COL4A3: variants seen among roughly 807,000 people sequenced by gnomAD.
The protein encoded by COL4A3 is collagen type IV alpha 3 chain.
In COL4A3, 135 loss-of-function variants were observed where a neutral mutation model predicts 217.4. The observed-to-expected ratio is 0.62, with a 90% CI of 0.54 to 0.72. The LOEUF is 0.72. COL4A3 is among the 30% of genes least tolerant of loss of function. COL4A3 has a pLI of 0.00. For missense variants in COL4A3, 1,868 were observed against 2,119.9 expected, an observed-to-expected ratio of 0.88 and a Z score of 2.33; for synonymous variants, 690 against 736.3, an observed-to-expected ratio of 0.94 and a Z score of 1.02.
In COL4A3 at chr2:227,290,207, G is replaced by A. The variant is rs190741992; in HGVS notation, c.3070+119G>A. ...GTAGAAAGCTTATATTAAAAAACTA[G>A]ATTTGCGGGGCCGGGCACGGTGGCT... On this transcript the variant is annotated intron_variant, in intron 36 of 51. Transcript: ENST00000396578. 4 of 973,104 alleles carry A rather than the reference G, an allele frequency of 4.1e-6. No individual in the cohort carries two copies. The Admixed American group carries it at 7.9e-5, about 19-fold the overall frequency. The allele number at this position is 973,104 out of a possible 1,614,324, so 60.3% of individuals were successfully genotyped here. A position where few individuals can be genotyped will look rare whatever the true frequency, so the allele number is the denominator to read the frequency against.
rs548806496 is a variant in COL4A3 at position 227,291,585 on chromosome 2, A to C, written c.3210+699A>C. Among the ~76,000 whole-genome samples the C allele has an allele frequency of 2.7e-3, 83 of 30,538 alleles. No individual in the cohort carries two copies. In the East Asian group the frequency reaches 0.048, roughly 17 times the overall value. 20.0% of individuals were successfully genotyped at this position (30,538 alleles called of 152,430 possible). Reference sequence around the variant, plus strand: ...CTCAAAAAAAAAAAAAAAAACAAAAAAAAAAAACAAAAAAAAAAACACTTG... The same window carrying C: ...CTCAAAAAAAAAAAAAAAAACAAAACAAAAAAACAAAAAAAAAAACACTTG... On this transcript the variant is annotated intron_variant, in intron 37 of 51. Coordinates refer to ENST00000396578, the MANE Select transcript of COL4A3 (RefSeq NM_000091.5).
chr2:227,245,036 T>C (rs758262205), intron 5 of COL4A3, 41 bp downstream of exon 5: 4 of 1,566,526 alleles, frequency 2.6e-6, no homozygotes, highest in African/African-American at 2.7e-5. Context: ...AATTTAAAAG[T>C]AAGCTCATTT....
intron 25 of COL4A3, among the ~76,000 whole-genome samples, chr2:227,272,449 T>C (rs2071298802): frequency 6.6e-6 from 1 of 152,268 alleles, no homozygotes; most frequent in African/African-American, 2.4e-5. Context: ...ATTCAATTTC[T>C]TTTAAATCTA....
At chr2:227,175,847 G>A (rs2065657192) in intron 1 of COL4A3, among the ~76,000 whole-genome samples, 2 of 152,216 alleles carry the variant, frequency 1.3e-5, no homozygotes, top group African/African-American at 4.8e-5. Context: ...CATTAGTAAT[G>A]AAATGACAGT....
intron 15 of COL4A3, among the ~76,000 whole-genome samples, chr2:227,255,570 C>T (rs1003777898): frequency 1.3e-5 from 2 of 152,184 alleles, no homozygotes; most frequent in Non-Finnish European, 2.9e-5. Flanking sequence ...AGATACCACA[C>T]TATATCTTTT....
At chr2:227,249,230 A>ATATATATATATTTTTTTTTTTTTTTTTTT in intron 9 of COL4A3, among the ~76,000 whole-genome samples, 1 of 14,694 alleles carries the variant, frequency 6.8e-5, no homozygotes, top group Non-Finnish European at 1.2e-4. Flanking sequence ...ATATATATAT[A>ATATATATATATTTTTTTTTTTTTTTTTTT]TTTTTTTTTT....
chr2:227,291,953 C>T (rs1300195806), intron 37 of COL4A3, among the ~76,000 whole-genome samples: 1 of 152,168 alleles, frequency 6.6e-6, no homozygotes, highest in Non-Finnish European at 1.5e-5. Flanking sequence ...ATAGAAGTTC[C>T]TATAAGCAGA....
intron 1 of COL4A3, among the ~76,000 whole-genome samples, chr2:227,204,802 A>C (rs989399559): frequency 2.6e-5 from 4 of 152,240 alleles, no homozygotes; most frequent in African/African-American, 4.8e-5. Context: ...CTGGATCCTC[A>C]GAACAAAACC....
intron 34 of COL4A3, among the ~76,000 whole-genome samples, chr2:227,285,689 T>C (rs967956389): frequency 6.6e-6 from 1 of 152,176 alleles, no homozygotes; most frequent in Non-Finnish European, 1.5e-5. Flanking sequence ...ACAGTATAAA[T>C]GCGCAGTGAG....
In COL4A3 at chr2:227,171,620, G is replaced by A. The variant is rs371776049; in HGVS notation, c.87+6807G>A. Among the ~76,000 whole-genome samples the A allele has an allele frequency of 3.7e-4, 56 of 152,302 alleles. No homozygotes were observed. In the South Asian group the frequency reaches 9.5e-3, roughly 26 times the overall value. On this transcript the variant is annotated intron_variant, in intron 1 of 51. Transcript: ENST00000396578. Reference sequence around the variant, plus strand: ...CTTAAACAGGCACTTACTTCTCACAGTTCTGGAGGCTGGAAAGTCCAAGAT... The same window carrying A: ...CTTAAACAGGCACTTACTTCTCACAATTCTGGAGGCTGGAAAGTCCAAGAT...
In COL4A3 at chr2:227,282,843, TTGTGA is replaced by T. The variant is rs1269087342; in HGVS notation, c.2656+315_2656+319del. Among the ~76,000 whole-genome samples, 43 of 152,210 alleles carry T rather than the reference TTGTGA, an allele frequency of 2.8e-4. No individual in the cohort carries two copies. Among genetic ancestry groups the T allele is most frequent in the Admixed American group, 2.0e-4 (3 of 15,282 alleles). ...GAAGGGATATTGGTCTGTAGCGTTC[TTGTGA>T]TGTCTTTGGTGTTGGTGTCAGAGTA... On this transcript the variant is annotated intron_variant, in intron 32 of 51. Transcript: ENST00000396578. This position sits in a 1 kb window ranked among gnomAD's most constrained non-coding sequence, Gnocchi z 4.4.
Position 227,191,701 on chromosome 2 carries a change from T to C in COL4A3, c.87+26888T>C, listed in dbSNP as rs2066250660. Among the ~76,000 whole-genome samples the C allele has an allele frequency of 6.6e-6, 1 of 152,234 alleles. No individual in the cohort carries two copies. The highest frequency in any genetic ancestry group is 6.5e-5 in the Admixed American group (1 of 15,280). ...ACTTTATTCTAATAAAAGACAACTG[T>C]GTTTACAACTACTGGGCATATCTCA... On this transcript the variant is annotated intron_variant, in intron 1 of 51. Transcript: ENST00000396578. This position sits in a 1 kb window ranked among gnomAD's most constrained non-coding sequence, Gnocchi z 6.8.
chr2:227,204,350 C>T (rs2067017341), intron 1 of COL4A3, among the ~76,000 whole-genome samples: 1 of 151,948 alleles, frequency 6.6e-6, no homozygotes, highest in Non-Finnish European at 1.5e-5. Flanking sequence ...TTGCTCTTTT[C>T]TTCATTTCCT....
rs1257263828 is a variant in COL4A3, at chr2:227,256,189, C to T, written c.933+119C>T. ...ACAAAAAGCTTACAGCTTTTAAAAA[C>T]TGCATTTGGGAATCATAGTTTTACA... On this transcript the variant is annotated intron_variant, in intron 16 of 51. Coordinates refer to ENST00000396578, the MANE Select transcript of COL4A3 (RefSeq NM_000091.5). The T allele has an allele frequency of 5.8e-6, 7 of 1,205,444 alleles. No individual in the cohort carries two copies. The East Asian group carries it at 1.4e-4, about 24-fold the overall frequency. The allele number at this position is 1,205,444 out of a possible 1,614,324, so 74.7% of individuals were successfully genotyped here. A position where few individuals can be genotyped will look rare whatever the true frequency, so the allele number is the denominator to read the frequency against.
chr2:227,189,477 T>C (rs1359122576), intron 1 of COL4A3, among the ~76,000 whole-genome samples: 1 of 152,148 alleles, frequency 6.6e-6, no homozygotes, highest in Admixed American at 6.5e-5. Context: ...CGTGATGTGG[T>C]GATGACTGAT....
chr2:227,297,805 A>G lies in COL4A3; in HGVS notation c.3697A>G (p.Ile1233Val). The G allele has an allele frequency of 6.4e-7, 1 of 1,572,092 alleles. No individual in the cohort carries two copies. The highest frequency in any genetic ancestry group is 2.3e-5 in the East Asian group (1 of 43,182). ...FPGPPGLPGAIIPGQTGNRGP... is the reference protein window; with the variant it reads ...FPGPPGLPGAVIPGQTGNRGP... ...AGGGCCACCAGGTCTGCCCGGTGCAATTATCCCTGGCCAGACAGGAAATCG... is the reference window on the plus strand; with the variant it reads ...AGGGCCACCAGGTCTGCCCGGTGCAGTTATCCCTGGCCAGACAGGAAATCG... Residue 1233 changes from isoleucine (I) to valine (V), a missense_variant, in exon 42 of 52, where the codon ATT becomes GTT. Physicochemically the swap from Ile to Val is conservative, Grantham distance 29. Coordinates refer to ENST00000396578, the MANE Select transcript of COL4A3 (RefSeq NM_000091.5).
chr2:227,248,851 G>A (rs992677147), intron 9 of COL4A3, among the ~76,000 whole-genome samples: 2 of 152,074 alleles, frequency 1.3e-5, no homozygotes, highest in African/African-American at 4.8e-5. Context: ...TTGAAAATAA[G>A]GGTAGCTTTG....
intron 20 of COL4A3, 47 bp from the exon 21 acceptor site, chr2:227,263,733 T>G: frequency 1.0e-5 from 16 of 1,557,342 alleles, no homozygotes; most frequent in Non-Finnish European, 1.4e-5. Flanking sequence ...AAATTCGTAT[T>G]AATCAGGAAA....
chr2:227,303,932 T>C lies in COL4A3; in HGVS notation c.4027+2T>C. ...CAATTGGGCCAAAAGGACCACCTGGTAAATAAACGTCCTTACTATTGCTGT... is the reference window on the plus strand; with the variant it reads ...CAATTGGGCCAAAAGGACCACCTGGCAAATAAACGTCCTTACTATTGCTGT... On this transcript the variant is annotated splice_donor_variant, in intron 45 of 51. Transcript: ENST00000396578. LOFTEE classifies it high-confidence loss of function. The C allele has an allele frequency of 6.2e-7, 1 of 1,614,202 alleles. No homozygotes were observed. The highest frequency in any genetic ancestry group is 8.5e-7 in the Non-Finnish European group (1 of 1,180,028).
Sources: gnomAD v4.1 joint callset for allele counts (sites outside exome capture counted in the v4.1 genomes callset) on GRCh38, gnomAD v4.1.1 for gene constraint, Gnocchi (gnomAD v3.1) non-coding constraint, MANE v1.5 for transcripts, NCBI Gene and HGNC (gene_info 2026-07-23, HGNC 2026-07-21) for gene names.